Variants in CNTN4 observed in about 807,000 individuals in gnomAD.
CNTN4 encodes contactin-4.
A neutral mutation model predicts 122.5 loss-of-function variants in CNTN4; 77 were observed. The ratio of observed to expected loss-of-function variants is 0.63; its 90% CI spans 0.52 to 0.76. The LOEUF is 0.76. CNTN4 is among the 30% of genes least tolerant of loss of function. The pLI, the probability that CNTN4 is intolerant of heterozygous loss-of-function variation, is 0.00. For synonymous variants in CNTN4, 512 were observed against 447.0 expected (o/e 1.15, Z -1.83); for missense variants, 1,256 against 1,259.1 (o/e 1.00, Z 0.04).
At chr3:2,921,100 T>A (rs2094425368) in intron 12 of CNTN4, among the ~76,000 whole-genome samples, 1 of 152,232 alleles carries the variant, frequency 6.6e-6, no homozygotes, top group Non-Finnish European at 1.5e-5. Context: ...TGTAGTGGTG[T>A]GAGCCTAGCT....
At chr3:2,751,616 G>A (rs900371664) in intron 6 of CNTN4, among the ~76,000 whole-genome samples, 5 of 152,104 alleles carry the variant, frequency 3.3e-5, no homozygotes, top group African/African-American at 7.2e-5. Flanking sequence ...ACAGCTTAAC[G>A]AAGGGGATGT....
At position 3,053,833 on chromosome 3, in the gene CNTN4, C is replaced by A; in HGVS notation, c.2838C>A (p.Ser946Arg). The A allele has an allele frequency of 6.2e-7, 1 of 1,614,190 alleles. No individual in the cohort carries two copies. The highest frequency in any genetic ancestry group is 8.5e-7 in the Non-Finnish European group (1 of 1,180,014). ...YKVLYRWNRQ[S>R]STSVIETNKT... ...TCTTGTACAGATGGAACAGACAAAG[C>A]AGCACATCTGTCATTGAAACAAATA... The change falls in exon 24 of 25, where the codon AGC becomes AGA. Residue 946 changes from serine (S) to arginine (R), a missense_variant. By Grantham distance (110) the Ser-to-Arg change is moderately radical. Transcript: ENST00000418658.
Position 3,026,280 on chromosome 3 carries a change from A to G in CNTN4, c.1662+3A>G. On this transcript the variant is annotated splice_donor_region_variant and intron_variant, in intron 15 of 24. Coordinates refer to ENST00000418658, the MANE Select transcript of CNTN4 (RefSeq NM_175607.3). ...ACCACTTTGAAAGAGTTGGAGGGGT[A>G]AGTATTAATAGCAAAAACTGACTCA... The G allele has an allele frequency of 6.2e-7, 1 of 1,612,520 alleles. No individual in the cohort carries two copies. Among genetic ancestry groups the G allele is most frequent in the Non-Finnish European group, 8.5e-7 (1 of 1,178,706 alleles).
intron 4 of CNTN4, among the ~76,000 whole-genome samples, chr3:2,693,547 T>C (rs1270130813): frequency 1.3e-5 from 2 of 152,162 alleles, no homozygotes; most frequent in African/African-American, 4.8e-5. Context: ...GTAGATGCTA[T>C]GGAAGCACCT....
At chr3:2,981,187 G>A (rs574531620) in intron 13 of CNTN4, among the ~76,000 whole-genome samples, 1 of 152,342 alleles carries the variant, frequency 6.6e-6, no homozygotes, top group Admixed American at 6.5e-5. Context: ...GCTCACGCCT[G>A]TAGTACCAGC....
chr3:2,169,584 A>G (rs533918641), intron 2 of CNTN4, among the ~76,000 whole-genome samples: 1 of 151,188 alleles, frequency 6.6e-6, no homozygotes, highest in Admixed American at 6.6e-5. Flanking sequence ...TTTTTTGTAG[A>G]GACGGGGTTT....
intron 4 of CNTN4, among the ~76,000 whole-genome samples, chr3:2,651,644 A>C (rs1256287458): frequency 6.6e-6 from 1 of 151,906 alleles, no homozygotes; most frequent in Non-Finnish European, 1.5e-5. Flanking sequence ...TGAGCCCAGG[A>C]GTTTGAAACC....
intron 3 of CNTN4, among the ~76,000 whole-genome samples, chr3:2,392,762 C>T (rs1026751747): frequency 2.6e-5 from 4 of 152,140 alleles, no homozygotes; most frequent in African/African-American, 9.7e-5. Context: ...AAGCTTTGTA[C>T]ACTTACCTGT....
intron 12 of CNTN4, among the ~76,000 whole-genome samples, chr3:2,919,717 TATAAG>T (rs1440009815): frequency 2.6e-5 from 4 of 152,220 alleles, no homozygotes; most frequent in African/African-American, 9.6e-5. Flanking sequence ...TTTGGACTGA[TATAAG>T]AAAGTCGATG....
chr3:3,027,613 A>G (rs7635776), intron 15 of CNTN4, among the ~76,000 whole-genome samples: 62,467 of 152,050 alleles, frequency 0.41, 13,157 homozygotes, highest in Non-Finnish European at 0.46. Flanking sequence ...GATTGTAATA[A>G]CAGGAAAGTG....
chr3:2,663,872 A>G (rs919771785), intron 4 of CNTN4, among the ~76,000 whole-genome samples: 3 of 152,216 alleles, frequency 2.0e-5, no homozygotes, highest in Admixed American at 1.3e-4. Flanking sequence ...TTGAAAACAT[A>G]CTAAGTAAAA....
chr3:2,669,750 A>T (rs1372651459), intron 4 of CNTN4, among the ~76,000 whole-genome samples: 5 of 152,184 alleles, frequency 3.3e-5, no homozygotes, highest in Non-Finnish European at 7.3e-5. Flanking sequence ...ATTTCCCTCT[A>T]CACACTCCTT....
intron 6 of CNTN4, among the ~76,000 whole-genome samples, chr3:2,763,239 G>A (rs1167489815): frequency 1.3e-5 from 2 of 152,076 alleles, no homozygotes; most frequent in African/African-American, 4.8e-5. Context: ...GCCACCACAC[G>A]CAGCTGATGT....
intron 17 of CNTN4, among the ~76,000 whole-genome samples, chr3:3,035,363 A>T (rs1304842049): frequency 6.6e-6 from 1 of 152,064 alleles, no homozygotes; most frequent in Non-Finnish European, 1.5e-5. Flanking sequence ...TCCGTAACAC[A>T]CATTAAAAAT....
chr3:2,656,932 A>G (rs1312264692), intron 4 of CNTN4, among the ~76,000 whole-genome samples: 2 of 152,182 alleles, frequency 1.3e-5, no homozygotes, highest in Non-Finnish European at 2.9e-5. Context: ...ATATTTTCAA[A>G]CTCAAATGAG....
At chr3:2,337,600 A>G (rs948689288) in intron 2 of CNTN4, among the ~76,000 whole-genome samples, 1 of 152,138 alleles carries the variant, frequency 6.6e-6, no homozygotes, top group African/African-American at 2.4e-5. Context: ...CATGATTAGT[A>G]ATAAATTGAA....
chr3:3,020,670 G>C (rs1465475956), intron 14 of CNTN4, among the ~76,000 whole-genome samples: 7 of 152,152 alleles, frequency 4.6e-5, no homozygotes, highest in Non-Finnish European at 8.8e-5. Context: ...TTAGTAGAAA[G>C]TTCTTCCTTC....
intron 2 of CNTN4, among the ~76,000 whole-genome samples, chr3:2,191,626 G>C (rs2037550113): frequency 6.6e-6 from 1 of 151,734 alleles, no homozygotes; most frequent in South Asian, 2.1e-4. Flanking sequence ...GGTCTTCCAA[G>C]TTCAGGCCCC....
intron 3 of CNTN4, among the ~76,000 whole-genome samples, chr3:2,469,762 C>A (rs967405903): frequency 2.4e-4 from 37 of 152,112 alleles, no homozygotes; most frequent in African/African-American, 8.4e-4. Flanking sequence ...GGGTGATGGG[C>A]TCAGTATAAA....
Sources: allele counts gnomAD v4.1 joint callset (sites outside exome capture counted in the v4.1 genomes callset), GRCh38; gene constraint gnomAD v4.1.1; transcripts MANE v1.5; gene names NCBI Gene and HGNC (gene_info 2026-07-23, HGNC 2026-07-21).